Variants in EXOC4 observed in about 807,000 individuals in gnomAD.
The protein encoded by EXOC4 is SEC8-like 1.
Under a neutral mutation model 107.2 loss-of-function variants are expected in EXOC4, and 71 were observed. The observed-to-expected ratio is 0.66, with a 90% CI of 0.55 to 0.81. The LOEUF (loss-of-function observed/expected upper bound fraction) is 0.81. EXOC4 is among the 30% of genes least tolerant of loss of function. The pLI is 0.00. For synonymous variants in EXOC4, 456 were observed against 441.2 expected, an observed-to-expected ratio of 1.03 and a Z score of -0.42; for missense variants, 1,108 against 1,189.6, an observed-to-expected ratio of 0.93 and a Z score of 1.01.
chr7:133,303,161 G>A (rs1363629483), intron 3 of EXOC4, among the ~76,000 whole-genome samples: 4 of 152,180 alleles, frequency 2.6e-5, no homozygotes, highest in Admixed American at 6.6e-5. Flanking sequence ...AGGGCTGGGC[G>A]CAGTGGCTCA....
chr7:133,430,361 G>C (rs1199631458), intron 7 of EXOC4, among the ~76,000 whole-genome samples: 2 of 152,178 alleles, frequency 1.3e-5, no homozygotes, highest in African/African-American at 4.8e-5. Context: ...ATTTGAGCGG[G>C]AAAACGGGAT....
chr7:133,763,933 G>A (rs980534614), intron 10 of EXOC4, among the ~76,000 whole-genome samples: 5 of 152,054 alleles, frequency 3.3e-5, no homozygotes, highest in African/African-American at 9.7e-5. Flanking sequence ...GCATATGAAA[G>A]TGTCTTAGTC....
intron 16 of EXOC4, among the ~76,000 whole-genome samples, chr7:134,006,615 A>T (rs1401674009): frequency 6.6e-6 from 1 of 152,078 alleles, no homozygotes. Context: ...CCTAAAGATA[A>T]GCCCCGCACT....
intron 9 of EXOC4, among the ~76,000 whole-genome samples, chr7:133,615,125 T>G (rs1371835807): frequency 6.6e-6 from 1 of 152,068 alleles, no homozygotes; most frequent in African/African-American, 2.4e-5. Context: ...GTAGAAACAT[T>G]GTTAGAGAAA....
chr7:134,045,630 A>C (rs1795632603), intron 17 of EXOC4, among the ~76,000 whole-genome samples: 1 of 152,226 alleles, frequency 6.6e-6, no homozygotes, highest in African/African-American at 2.4e-5. Context: ...TATAATTTAC[A>C]TACCATAAAC....
intron 6 of EXOC4, among the ~76,000 whole-genome samples, chr7:133,363,628 A>T (rs1796182046): frequency 6.9e-6 from 1 of 145,602 alleles, no homozygotes; most frequent in Admixed American, 6.8e-5. Context: ...AAAAAAAAAA[A>T]ACCTACTCTC....
chr7:133,305,848 A>C, intron 3 of EXOC4, 29 bp from the exon 4 acceptor site: 1 of 1,550,056 alleles, frequency 6.5e-7, no homozygotes, highest in Non-Finnish European at 8.7e-7. Flanking sequence ...AGTTGTACTT[A>C]ATTGTCTTTC....
At chr7:133,578,567 T>C (rs1349632488) in intron 9 of EXOC4, among the ~76,000 whole-genome samples, 1 of 152,192 alleles carries the variant, frequency 6.6e-6, no homozygotes, top group Non-Finnish European at 1.5e-5. Context: ...TATTAGCAGG[T>C]TATTTGTACA....
intron 10 of EXOC4, among the ~76,000 whole-genome samples, chr7:133,765,438 A>G (rs1451464015): frequency 6.6e-6 from 1 of 152,036 alleles, no homozygotes; most frequent in African/African-American, 2.4e-5. Flanking sequence ...CGAATAGAAT[A>G]CCTATAAGGA....
At chr7:134,033,301 C>G (rs1431843003) in intron 17 of EXOC4, among the ~76,000 whole-genome samples, 1 of 152,158 alleles carries the variant, frequency 6.6e-6, no homozygotes, top group Non-Finnish European at 1.5e-5. Flanking sequence ...ATGTTGGTAT[C>G]CAGAAGTTGT....
intron 10 of EXOC4, among the ~76,000 whole-genome samples, chr7:133,744,152 G>C (rs1404858142): frequency 6.6e-6 from 1 of 152,016 alleles, no homozygotes; most frequent in African/African-American, 2.4e-5. Context: ...AAAAAATGTG[G>C]AAGAGAATTA....
intron 12 of EXOC4, among the ~76,000 whole-genome samples, chr7:133,916,980 C>T (rs993341556): frequency 1.3e-5 from 2 of 152,122 alleles, no homozygotes; most frequent in African/African-American, 2.4e-5. Flanking sequence ...AGACTTGAAG[C>T]CTGTCAGCTC....
intron 14 of EXOC4, among the ~76,000 whole-genome samples, chr7:133,939,856 G>A (rs1042395016): frequency 6.6e-6 from 1 of 152,148 alleles, no homozygotes; most frequent in Non-Finnish European, 1.5e-5. Flanking sequence ...TCTATTACAA[G>A]CAGCAGTTTA....
intron 3 of EXOC4, among the ~76,000 whole-genome samples, chr7:133,297,256 G>A (rs1794540424): frequency 6.6e-6 from 1 of 152,150 alleles, no homozygotes; most frequent in Non-Finnish European, 1.5e-5. Flanking sequence ...AGATGATTTA[G>A]TAGTTAACTC....
chr7:133,708,065 T>C lies in EXOC4; in HGVS notation c.1514+77924T>C, dbSNP rs150069728. 6.6e-3 allele frequency among the ~76,000 whole-genome samples: 998 copies of C among 152,278 alleles called. 4 individuals carry two copies. Among genetic ancestry groups the C allele is most frequent in the Non-Finnish European group, 0.011 (774 of 68,014 alleles). On this transcript the variant is annotated intron_variant, in intron 10 of 17. Transcript: ENST00000253861. ...ATGTGCTTTTTTGAAATCTTCAAGA[T>C]AGAATCTAATAAAAACTTTCAGACT...
At chr7:133,980,185 G>A (rs907657928) in intron 14 of EXOC4, among the ~76,000 whole-genome samples, 1 of 152,154 alleles carries the variant, frequency 6.6e-6, no homozygotes, top group Non-Finnish European at 1.5e-5. Context: ...ATCTTACCCA[G>A]TGTGTATGTT....
chr7:134,067,448 C>T (rs1180328663), downstream of EXOC4, among the ~76,000 whole-genome samples: 1 of 152,124 alleles, frequency 6.6e-6, no homozygotes, highest in Non-Finnish European at 1.5e-5. Flanking sequence ...GTTATCTACT[C>T]TCTGGTACTT....
chr7:133,937,336 A>C (rs1314690573), intron 13 of EXOC4, among the ~76,000 whole-genome samples: 1 of 152,108 alleles, frequency 6.6e-6, no homozygotes, highest in East Asian at 1.9e-4. Context: ...CTTATACTTT[A>C]TGTGTGTTGG....
At chr7:133,989,740 G>C (rs1296295913) in intron 14 of EXOC4, among the ~76,000 whole-genome samples, 1 of 152,158 alleles carries the variant, frequency 6.6e-6, no homozygotes, top group African/African-American at 2.4e-5. Context: ...TCAGATTGTG[G>C]CACACTGAAG....
Sources: allele counts gnomAD v4.1 joint callset (sites outside exome capture counted in the v4.1 genomes callset), GRCh38; gene constraint gnomAD v4.1.1; transcripts MANE v1.5; gene names NCBI Gene and HGNC (gene_info 2026-07-23, HGNC 2026-07-21).